CERS3: variants seen among roughly 807,000 people sequenced by gnomAD.
CERS3 encodes ceramide synthase 3, also known as LAG1 homolog, ceramide synthase 3.
In CERS3, 33 loss-of-function variants were observed where a neutral mutation model predicts 50.3. That is an observed-to-expected ratio of 0.66 (90% CI 0.50 to 0.88). The LOEUF (loss-of-function observed/expected upper bound fraction) is 0.88, where lower values mean the gene tolerates loss of function less well. CERS3 is among the 40% of genes least tolerant of loss of function. The pLI is 0.00. For synonymous variants in CERS3, 176 were observed against 155.2 expected, an observed-to-expected ratio of 1.13 and a Z score of -0.99; for missense variants, 470 against 460.3, an observed-to-expected ratio of 1.02 and a Z score of -0.19.
In CERS3 at chr15:100,491,733, G is replaced by A. The variant is rs76915430; in HGVS notation, c.174-802C>T. Among the ~76,000 whole-genome samples the A allele has an allele frequency of 3.8e-3, 584 of 152,110 alleles. 9 individuals carry two copies. The highest frequency in any genetic ancestry group is 0.014 in the African/African-American group (564 of 41,500). ...TTTCCCTTCAAACACTGCTATTGCT[G>A]TATTCTATTAAGTTTTAGTATGGCA... On this transcript the variant is annotated intron_variant, in intron 3 of 11. Transcript: ENST00000679737.
intron 7 of CERS3, 76 bp downstream of exon 7, chr15:100,479,352 C>G (rs941524249): frequency 8.8e-7 from 1 of 1,133,640 alleles, no homozygotes; most frequent in Admixed American, 2.2e-5. Flanking sequence ...AGCAGGGGAC[C>G]AAGACGTAAC....
At chr15:100,455,696 C>A (rs1358084832) in intron 11 of CERS3, among the ~76,000 whole-genome samples, 197 bp downstream of exon 11, 3 of 151,998 alleles carry the variant, frequency 2.0e-5, no homozygotes, top group Non-Finnish European at 4.4e-5. Flanking sequence ...CTAATAAAAG[C>A]AATTTCTTAA....
In CERS3 at chr15:100,461,506, C is replaced by A. The variant is rs116058052; in HGVS notation, c.846-5460G>T. On this transcript the variant is annotated intron_variant, in intron 10 of 11. Coordinates refer to ENST00000679737, the MANE Select transcript of CERS3 (RefSeq NM_001378789.1). ...AGTTTCTTTTGTAAAATGAGAACAC[C>A]ACCCAGGTGGTTATGAGGATTCAAT... is the stretch of plus-strand genomic sequence containing the variant. 3.0e-3 allele frequency among the ~76,000 whole-genome samples: 450 copies of A among 152,256 alleles called. 2 individuals are homozygous for A. Among genetic ancestry groups the A allele is most frequent in the African/African-American group, 0.011 (438 of 41,538 alleles).
intron 11 of CERS3, among the ~76,000 whole-genome samples, chr15:100,424,927 C>G (rs2032712000): frequency 6.6e-6 from 1 of 152,206 alleles, no homozygotes; most frequent in Non-Finnish European, 1.5e-5. Context: ...ATTTTCCCAG[C>G]TGCTTTAGCT....
chr15:100,426,594 A>G (rs1292732019), intron 11 of CERS3, among the ~76,000 whole-genome samples: 1 of 152,192 alleles, frequency 6.6e-6, no homozygotes, highest in Non-Finnish European at 1.5e-5. Flanking sequence ...CTCATTTAGT[A>G]CATAGTAGGC....
chr15:100,413,785 A>C (rs2031678257), intron 11 of CERS3, among the ~76,000 whole-genome samples: 2 of 151,300 alleles, frequency 1.3e-5, no homozygotes, highest in African/African-American at 4.9e-5. Context: ...AAAAAAAAAA[A>C]ACCCTTACAG....
intron 2 of CERS3, among the ~76,000 whole-genome samples, chr15:100,507,376 T>C (rs2654616): frequency 0.95 from 144,469 of 152,068 alleles, 68,784 homozygotes; most frequent in Middle Eastern, 0.99. Flanking sequence ...CCTCATCTTT[T>C]CTCAAGATGA....
intron 10 of CERS3, among the ~76,000 whole-genome samples, chr15:100,465,780 T>C (rs1340556552): frequency 1.3e-5 from 2 of 151,880 alleles, no homozygotes; most frequent in African/African-American, 4.8e-5. Context: ...TGTCTCAGCC[T>C]CCCGAGTAGC....
At chr15:100,444,430 C>T (rs2033845900) in intron 11 of CERS3, among the ~76,000 whole-genome samples, 1 of 152,170 alleles carries the variant, frequency 6.6e-6, no homozygotes, top group South Asian at 2.1e-4. Context: ...ACGTTCACCC[C>T]ATTTCCCCAC....
chr15:100,497,349 T>G (rs543001690), intron 3 of CERS3, among the ~76,000 whole-genome samples: 47 of 151,840 alleles, frequency 3.1e-4, no homozygotes, highest in African/African-American at 9.9e-4. Context: ...TGTATATATA[T>G]ATATAGAGAG....
chr15:100,448,537 G>T (rs1379589914), intron 11 of CERS3, among the ~76,000 whole-genome samples: 1 of 152,152 alleles, frequency 6.6e-6, no homozygotes, highest in Non-Finnish European at 1.5e-5. Flanking sequence ...CAAAAGCATT[G>T]CTCCATAGAA....
intron 1 of CERS3, among the ~76,000 whole-genome samples, chr15:100,540,200 C>T (rs2037166623): frequency 6.6e-6 from 1 of 152,144 alleles, no homozygotes; most frequent in African/African-American, 2.4e-5. Context: ...ATCTGTGATC[C>T]CTTGTTATCC....
At chr15:100,544,444 C>T (rs1277119860) in intron 1 of CERS3, 2 of 141,570 alleles carry the variant, frequency 1.4e-5, no homozygotes, top group Non-Finnish European at 3.2e-5. Flanking sequence ...GGGTCACGGG[C>T]CCTCTCTCGG....
At chr15:100,493,975 A>G (rs777803669) in intron 3 of CERS3, among the ~76,000 whole-genome samples, 1 of 151,950 alleles carries the variant, frequency 6.6e-6, no homozygotes, top group East Asian at 1.9e-4. Flanking sequence ...TAAAGCCTCT[A>G]ATAAGTCCAC....
At chr15:100,471,728 T>A (rs1315532060) in intron 9 of CERS3, among the ~76,000 whole-genome samples, 1 of 152,190 alleles carries the variant, frequency 6.6e-6, no homozygotes, top group East Asian at 1.9e-4. Context: ...CATATAATAA[T>A]CTTGACCTTT....
At chr15:100,436,169 A>G (rs573032046) in intron 11 of CERS3, among the ~76,000 whole-genome samples, 24 of 152,248 alleles carry the variant, frequency 1.6e-4, no homozygotes, top group Non-Finnish European at 3.1e-4. Flanking sequence ...AGACACATGC[A>G]TACATATGTT....
chr15:100,438,187 G>A (rs545274769), intron 11 of CERS3, among the ~76,000 whole-genome samples: 35 of 151,724 alleles, frequency 2.3e-4, no homozygotes, highest in African/African-American at 7.3e-4. Context: ...TGGGGTTACA[G>A]GCCCACACCA....
intron 1 of CERS3, among the ~76,000 whole-genome samples, chr15:100,534,237 A>G (rs1044433949): frequency 1.3e-5 from 2 of 152,084 alleles, no homozygotes; most frequent in Admixed American, 6.6e-5. Context: ...CTAACCCTCA[A>G]TACCATTTTG....
chr15:100,414,481 A>C (rs1275367255), intron 11 of CERS3, among the ~76,000 whole-genome samples: 1 of 152,208 alleles, frequency 6.6e-6, no homozygotes. Context: ...GACAATCCTA[A>C]GCAAAAAGAA....
Sources: gnomAD v4.1 joint callset for allele counts (sites outside exome capture counted in the v4.1 genomes callset) on GRCh38, gnomAD v4.1.1 for gene constraint, MANE v1.5 for transcripts, NCBI Gene and HGNC (gene_info 2026-07-23, HGNC 2026-07-21) for gene names.